The following TRDN variants were observed in gnomAD, a reference collection of about 807,000 sequenced individuals.
The protein encoded by TRDN is triadin.
Under a neutral mutation model 149.7 loss-of-function variants are expected in TRDN, and 161 were observed. The ratio of observed to expected loss-of-function variants is 1.08; its 90% confidence interval spans 0.95 to 1.23. The LOEUF is 1.23. TRDN is among the 50% of genes most tolerant of loss of function. TRDN has a pLI of 0.00. For missense variants in TRDN, 896 were observed against 823.5 expected, an observed-to-expected ratio of 1.09 and a Z score of -1.08; for synonymous variants, 294 against 250.5, an observed-to-expected ratio of 1.17 and a Z score of -1.64.
At chr6:123,596,426 T>C (rs756483282) in intron 1 of TRDN, among the ~76,000 whole-genome samples, 35 of 152,078 alleles carry the variant, frequency 2.3e-4, no homozygotes, top group Non-Finnish European at 1.3e-4. Context: ...CTGCGAGGTG[T>C]CCAGAAGATC....
chr6:123,323,086 G>A (rs753073763), intron 23 of TRDN, among the ~76,000 whole-genome samples: 2 of 152,060 alleles, frequency 1.3e-5, no homozygotes, highest in Admixed American at 1.3e-4. Flanking sequence ...TTAAAATGCT[G>A]TTTCAAAATG....
intron 38 of TRDN, among the ~76,000 whole-genome samples, chr6:123,235,058 A>G (rs1775735638): frequency 1.3e-5 from 2 of 152,104 alleles, no homozygotes; most frequent in South Asian, 2.1e-4. Context: ...GTAGACAGCA[A>G]AAACCATGAA....
chr6:123,248,596 A>T (rs1043640007), intron 38 of TRDN, among the ~76,000 whole-genome samples: 1 of 151,980 alleles, frequency 6.6e-6, no homozygotes, highest in Non-Finnish European at 1.5e-5. Context: ...TATATGCACA[A>T]CTACATGCTA....
chr6:123,384,624 T>A (rs1309020886), intron 14 of TRDN, among the ~76,000 whole-genome samples: 3 of 152,250 alleles, frequency 2.0e-5, no homozygotes, highest in Non-Finnish European at 4.4e-5. Context: ...TCTGCCTTTC[T>A]ATTTCCTAAT....
intron 24 of TRDN, among the ~76,000 whole-genome samples, chr6:123,299,651 C>T (rs1778332585): frequency 6.6e-6 from 1 of 151,934 alleles, no homozygotes; most frequent in African/African-American, 2.4e-5. Context: ...TTAAGTATCT[C>T]ACCAATGTGA....
chr6:123,420,665 T>A (rs1163170713), intron 12 of TRDN, among the ~76,000 whole-genome samples: 1 of 152,114 alleles, frequency 6.6e-6, no homozygotes, highest in East Asian at 1.9e-4. Context: ...TAAAAATACA[T>A]CTCATGTGAT....
intron 1 of TRDN, among the ~76,000 whole-genome samples, chr6:123,609,897 G>A (rs1267467118): frequency 6.6e-6 from 1 of 152,080 alleles, no homozygotes; most frequent in East Asian, 1.9e-4. Flanking sequence ...AGCTAAAAAA[G>A]GAGGCACTCG....
chr6:123,429,082 G>T lies in TRDN; in HGVS notation c.1051+8981C>A, dbSNP rs180851507. 3.3e-5 allele frequency: 5 copies of T among 152,078 alleles called. No individual in the cohort carries two copies. In the East Asian group the frequency reaches 9.7e-4, roughly 30 times the overall value. 9.4% of individuals were successfully genotyped at this position (152,078 alleles called of 1,614,324 possible). A position where few individuals can be genotyped will look rare whatever the true frequency, so the allele number is the denominator to read the frequency against. On this transcript the variant is annotated intron_variant, in intron 12 of 40. Transcript: ENST00000334268. ...AGGAAATTAGCAAAAAAGAAAAAGAGGGAGGAAAAAAAAAGACACTAAAGC... is the reference window on the plus strand; with the variant it reads ...AGGAAATTAGCAAAAAAGAAAAAGATGGAGGAAAAAAAAAGACACTAAAGC...
At chr6:123,545,231 CA>C (rs1306122535) in intron 4 of TRDN, among the ~76,000 whole-genome samples, 1 of 151,770 alleles carries the variant, frequency 6.6e-6, no homozygotes, top group East Asian at 1.9e-4. Flanking sequence ...ACATTGCCCC[CA>C]AATTCCTTCT....
intron 24 of TRDN, 27 bp downstream of exon 24, chr6:123,316,430 T>G (rs770888098): frequency 7.5e-6 from 12 of 1,602,356 alleles, no homozygotes; most frequent in Non-Finnish European, 9.4e-6. Flanking sequence ...CATCTCCTTG[T>G]ATGTAAATCT....
At chr6:123,506,571 C>A (rs1033306303) in intron 7 of TRDN, among the ~76,000 whole-genome samples, 20 of 151,954 alleles carry the variant, frequency 1.3e-4, no homozygotes, top group Non-Finnish European at 2.2e-4. Flanking sequence ...TCACTGCAAC[C>A]TCTGCCTCCC....
At chr6:123,392,737 T>C (rs527941982) in intron 13 of TRDN, among the ~76,000 whole-genome samples, 2 of 152,000 alleles carry the variant, frequency 1.3e-5, no homozygotes, top group East Asian at 1.9e-4. Context: ...AACAAACCCA[T>C]GTTACCAATA....
intron 9 of TRDN, chr6:123,471,897 A>G (rs1258313639): frequency 6.6e-6 from 1 of 152,222 alleles, no homozygotes; most frequent in Non-Finnish European, 1.5e-5. Context: ...TGTCTGTGAC[A>G]GAATACCTGA....
chr6:123,382,110 T>A lies in TRDN; in HGVS notation c.1165+8A>T. The A allele has an allele frequency of 6.7e-7, 1 of 1,492,988 alleles. No homozygotes were observed. Among genetic ancestry groups the A allele is most frequent in the Non-Finnish European group, 8.9e-7 (1 of 1,121,016 alleles). The allele number at this position is 1,492,988 out of a possible 1,614,324, so 92.5% of individuals were successfully genotyped here. A position where few individuals can be genotyped will look rare whatever the true frequency, so the allele number is the denominator to read the frequency against. ...CATAAGGCAGAAAAAAAGAAATATGTCCAGTACCTTCTGCAGGTTTTTTTG... is the reference window on the plus strand; with the variant it reads ...CATAAGGCAGAAAAAAAGAAATATGACCAGTACCTTCTGCAGGTTTTTTTG... On this transcript the variant is annotated splice_region_variant and intron_variant, in intron 15 of 40. Coordinates refer to ENST00000334268, the MANE Select transcript of TRDN (RefSeq NM_006073.4).
In TRDN at chr6:123,377,760, G is replaced by T. The variant is rs1236400123; in HGVS notation, c.1220-18C>A. 1.2e-6 allele frequency: 2 copies of T among 1,600,672 alleles called. No individual in the cohort carries two copies. Among genetic ancestry groups the T allele is most frequent in the Admixed American group, 1.7e-5 (1 of 58,228 alleles). On this transcript the variant is annotated intron_variant, in intron 17 of 40. Coordinates refer to ENST00000334268, the MANE Select transcript of TRDN (RefSeq NM_006073.4). ...TGACTTTGCTGTATCAAAAAGGAAA[G>T]AAAAAAAAATCAGCATTCTATGTCA... is the stretch of plus-strand genomic sequence containing the variant.
At chr6:123,478,764 C>T (rs577921957) in intron 9 of TRDN, among the ~76,000 whole-genome samples, 24 of 152,296 alleles carry the variant, frequency 1.6e-4, no homozygotes, top group South Asian at 4.1e-4. Flanking sequence ...AGTGATAAAA[C>T]TGCCTAGAAC....
At chr6:123,544,831 A>G (rs1781035280) in intron 4 of TRDN, among the ~76,000 whole-genome samples, 1 of 152,026 alleles carries the variant, frequency 6.6e-6, no homozygotes, top group African/African-American at 2.4e-5. Flanking sequence ...AGCTATATTT[A>G]TATATAACAA....
chr6:123,569,852 C>A (rs1486674154), intron 2 of TRDN, among the ~76,000 whole-genome samples: 2 of 152,182 alleles, frequency 1.3e-5, no homozygotes, highest in Non-Finnish European at 2.9e-5. Flanking sequence ...CTGCTAGGCC[C>A]ATGTCCAACA....
At chr6:123,617,052 A>G (rs996030034) in intron 1 of TRDN, among the ~76,000 whole-genome samples, 3 of 152,216 alleles carry the variant, frequency 2.0e-5, no homozygotes, top group African/African-American at 7.2e-5. Flanking sequence ...CAAACAGATC[A>G]TATTTAGCTG....
Sources: allele counts gnomAD v4.1 joint callset (sites outside exome capture counted in the v4.1 genomes callset), GRCh38; gene constraint gnomAD v4.1.1; transcripts MANE v1.5; gene names NCBI Gene and HGNC (gene_info 2026-07-23, HGNC 2026-07-21).